The following SMAD3 variants were observed in gnomAD, a reference collection of about 807,000 sequenced individuals.
The protein encoded by SMAD3 is SMAD family member 3.
In SMAD3, 12 loss-of-function variants were observed where a neutral mutation model predicts 51.8. The observed-to-expected ratio is 0.23, with a 90% CI of 0.15 to 0.38. SMAD3 has a LOEUF of 0.38. SMAD3 is among the 10% of genes least tolerant of loss of function. SMAD3 has a pLI of 1.00. For missense variants in SMAD3, 294 were observed against 565.6 expected (o/e 0.52, Z 4.87); for synonymous variants, 238 against 227.7 (o/e 1.05, Z -0.41).
intron 1 of SMAD3, among the ~76,000 whole-genome samples, chr15:67,150,847 CTTTTTTTTTTTTTTT>C (rs58914503): frequency 1.4e-4 from 2 of 14,668 alleles, no homozygotes; most frequent in Non-Finnish European, 2.3e-4. Context: ...ATTTCTCAGT[CTTTTTTTTTTTTTTT>C]TTTTTTTTTT....
At position 67,187,050 on chromosome 15, in the gene SMAD3, A is replaced by G. The variant is rs1488391130; in HGVS notation, c.1010-315A>G. 5 of 525,702 alleles carry G rather than the reference A, an allele frequency of 9.5e-6. No individual in the cohort carries two copies. The East Asian group carries it at 1.9e-4, about 20-fold the overall frequency. The allele number at this position is 525,702 out of a possible 1,614,324, so 32.6% of individuals were successfully genotyped here. On this transcript the variant is annotated intron_variant, in intron 7 of 8. Coordinates refer to ENST00000327367, the MANE Select transcript of SMAD3 (RefSeq NM_005902.4). ...GCCCCCCTCTCCACACCATCTCCCT[A>G]TTTTTGGAAGCCCTCTTTGCAGACT...
At chr15:67,147,353 T>C (rs1474083306) in intron 1 of SMAD3, among the ~76,000 whole-genome samples, 1 of 152,166 alleles carries the variant, frequency 6.6e-6, no homozygotes, top group African/African-American at 2.4e-5. Context: ...TGATGGAAGC[T>C]CCTGCCCTTT....
At chr15:67,125,139 G>T (rs950459349) in intron 1 of SMAD3, among the ~76,000 whole-genome samples, 5 of 152,218 alleles carry the variant, frequency 3.3e-5, no homozygotes, top group Admixed American at 1.3e-4. Flanking sequence ...GTGGCTGGGT[G>T]CATCCCCGTA....
At chr15:67,125,326 T>A (rs1961359094) in intron 1 of SMAD3, among the ~76,000 whole-genome samples, 1 of 152,258 alleles carries the variant, frequency 6.6e-6, no homozygotes, top group Non-Finnish European at 1.5e-5. Flanking sequence ...AGAGCCTCTT[T>A]GAAGCGCTGT....
chr15:67,172,964 ACTT>A (rs945973714), intron 5 of SMAD3, among the ~76,000 whole-genome samples: 2 of 152,008 alleles, frequency 1.3e-5, no homozygotes, highest in Non-Finnish European at 2.9e-5. Flanking sequence ...ATTCCCAGAT[ACTT>A]CTTGTCTGCC....
intron 1 of SMAD3, among the ~76,000 whole-genome samples, chr15:67,130,204 A>T (rs1416201915): frequency 1.3e-5 from 2 of 152,212 alleles, no homozygotes; most frequent in East Asian, 3.8e-4. Context: ...AGGCAACAGA[A>T]ACTCAGAGAG....
intron 8 of SMAD3, among the ~76,000 whole-genome samples, chr15:67,189,876 G>A (rs548342228): frequency 2.0e-5 from 3 of 151,998 alleles, no homozygotes; most frequent in South Asian, 2.1e-4. Flanking sequence ...AAATAAGGCC[G>A]TAGATGAGAA....
chr15:67,171,303 A>G (rs1300278854), intron 5 of SMAD3, among the ~76,000 whole-genome samples: 1 of 152,070 alleles, frequency 6.6e-6, no homozygotes, highest in East Asian at 1.9e-4. Context: ...TGGAGGGTCC[A>G]TTGTTTCCGC....
chr15:67,082,301 T>C (rs1480770852), intron 1 of SMAD3, among the ~76,000 whole-genome samples: 1 of 152,100 alleles, frequency 6.6e-6, no homozygotes, highest in African/African-American at 2.4e-5. Flanking sequence ...GGCCACACAT[T>C]TTGTGATGCA....
At chr15:67,146,442 C>T (rs1961975230) in intron 1 of SMAD3, among the ~76,000 whole-genome samples, 1 of 152,200 alleles carries the variant, frequency 6.6e-6, no homozygotes, top group African/African-American at 2.4e-5. Flanking sequence ...GTGGCCAGAG[C>T]AGCTGTCAGT....
chr15:67,141,885 G>A (rs1392889477), intron 1 of SMAD3, among the ~76,000 whole-genome samples: 2 of 152,304 alleles, frequency 1.3e-5, no homozygotes, highest in East Asian at 3.9e-4. Flanking sequence ...GGCCAACTCA[G>A]TTTGCCTGGG....
intron 1 of SMAD3, among the ~76,000 whole-genome samples, chr15:67,093,200 C>T (rs1321498586): frequency 6.6e-6 from 1 of 152,196 alleles, no homozygotes; most frequent in East Asian, 1.9e-4. Flanking sequence ...GCTGTGTATT[C>T]CGGGGCATAT....
At chr15:67,085,746 T>C (rs1960374167) in intron 1 of SMAD3, among the ~76,000 whole-genome samples, 4 of 152,066 alleles carry the variant, frequency 2.6e-5, no homozygotes. Flanking sequence ...CTTTCCTAGG[T>C]GATTCCGGTA....
chr15:67,166,846 G>A lies in SMAD3; in HGVS notation c.600G>A (p.Met200Ile). 6.3e-7 allele frequency: 1 copy of A among 1,590,808 alleles called. No homozygotes were observed. Among genetic ancestry groups the A allele is most frequent in the Non-Finnish European group, 8.6e-7 (1 of 1,167,970 alleles). The change falls in exon 4 of 9, where the codon ATG (methionine) becomes ATA (isoleucine). Residue 200 changes from methionine (M) to isoleucine (I), a missense_variant. Around this residue, in one of 3 missense-constraint regions of SMAD3, gnomAD observed 29 missense variants for 26.7 expected, o/e 1.09. Transcript: ENST00000327367. ...ETSDHQMNHS[M>I]DAGSPNLSPN... is the part of the protein sequence containing the mutation. ...GTGACCACCAGATGAACCACAGCAT[G>A]GACGCAGGTCAGTCATGCAGGGTCA...
intron 1 of SMAD3, among the ~76,000 whole-genome samples, chr15:67,156,578 A>G (rs536840577): frequency 2.2e-4 from 34 of 152,244 alleles, no homozygotes; most frequent in Non-Finnish European, 4.4e-4. Context: ...TATGGAGATA[A>G]TGATACCTGC....
At chr15:67,172,004 C>T (rs897666970) in intron 5 of SMAD3, among the ~76,000 whole-genome samples, 1 of 152,184 alleles carries the variant, frequency 6.6e-6, no homozygotes, top group African/African-American at 2.4e-5. Flanking sequence ...AGTCAACAGC[C>T]TTCCAAGCAG....
At chr15:67,102,395 A>G in intron 1 of SMAD3, among the ~76,000 whole-genome samples, 1 of 152,196 alleles carries the variant, frequency 6.6e-6, no homozygotes, top group East Asian at 1.9e-4. Flanking sequence ...TCATACACAT[A>G]CAGCAGTCAT....
intron 1 of SMAD3, among the ~76,000 whole-genome samples, chr15:67,096,617 C>T (rs1303983294): frequency 6.6e-6 from 1 of 151,166 alleles, no homozygotes; most frequent in Non-Finnish European, 1.5e-5. Flanking sequence ...AAAAAGCTTT[C>T]TATTTTAGTA....
chr15:67,084,271 C>T (rs1240708293), intron 1 of SMAD3, among the ~76,000 whole-genome samples: 4 of 150,320 alleles, frequency 2.7e-5, no homozygotes, highest in Admixed American at 6.6e-5. Flanking sequence ...TTAGTAGAGA[C>T]GGGGTTTCTT....
Sources: gnomAD v4.1 joint callset for allele counts (sites outside exome capture counted in the v4.1 genomes callset) on GRCh38, gnomAD v4.1.1 for gene constraint, gnomAD v4.1.1 regional missense constraint, MANE v1.5 for transcripts, NCBI Gene and HGNC (gene_info 2026-07-23, HGNC 2026-07-21) for gene names.